TGS1: variants seen among roughly 807,000 people sequenced by gnomAD.
The protein encoded by TGS1 is trimethylguanosine synthase 1, also known as trimethylguanosine synthase.
TGS1 carries 69 observed loss-of-function variants against 92.2 expected under a neutral mutation model. The observed-to-expected ratio is 0.75, with a 90% CI of 0.62 to 0.91. TGS1 has a LOEUF of 0.91. TGS1 is among the 40% of genes least tolerant of loss of function. The pLI is 0.00. For missense variants in TGS1, 1,062 were observed against 1,001.2 expected (o/e 1.06, Z -0.82); for synonymous variants, 345 against 338.1 (o/e 1.02, Z -0.22).
chr8:55,808,087 G>A (rs1279394569), intron 10 of TGS1, among the ~76,000 whole-genome samples: 1 of 152,118 alleles, frequency 6.6e-6, no homozygotes, highest in Non-Finnish European at 1.5e-5. Context: ...TGATCTTATC[G>A]CCTTACCATT....
At chr8:55,793,809 G>A (rs1180926011) in intron 6 of TGS1, among the ~76,000 whole-genome samples, 1 of 150,938 alleles carries the variant, frequency 6.6e-6, no homozygotes, top group Non-Finnish European at 1.5e-5. Flanking sequence ...GTAGAGACAG[G>A]GTTGCACCAT....
intron 12 of TGS1, among the ~76,000 whole-genome samples, chr8:55,815,242 T>A (rs1563469984): frequency 6.6e-6 from 1 of 152,230 alleles, no homozygotes; most frequent in Admixed American, 6.5e-5. Context: ...AGTTGGTGAT[T>A]CATGTTTTTT....
rs376816638 is a variant in TGS1, at chr8:55,799,229, A to G, written c.1849+9A>G. 2 of 1,581,612 alleles carry G rather than the reference A, an allele frequency of 1.3e-6. No individual in the cohort carries two copies. Among genetic ancestry groups the G allele is most frequent in the African/African-American group, 1.4e-5 (1 of 73,030 alleles). On this transcript the variant is annotated intron_variant, in intron 8 of 12. Coordinates refer to ENST00000260129, the MANE Select transcript of TGS1 (RefSeq NM_024831.8). ...CCAGGCAGAAACTGAAGGTAACACT[A>G]AATATGCTTCAACTTGCTAATGGAT...
chr8:55,779,716 TCA>T (rs1231729920), intron 1 of TGS1, among the ~76,000 whole-genome samples: 1 of 152,174 alleles, frequency 6.6e-6, no homozygotes, highest in Non-Finnish European at 1.5e-5. Context: ...ATTTCTCAAC[TCA>T]CACCTCTAGA....
At chr8:55,819,234 C>A (rs1803565668) in intron 12 of TGS1, among the ~76,000 whole-genome samples, 2 of 151,376 alleles carry the variant, frequency 1.3e-5, no homozygotes, top group Admixed American at 1.3e-4. Context: ...CCGTGCCCGG[C>A]CTGGTAGCCT....
intron 6 of TGS1, among the ~76,000 whole-genome samples, chr8:55,794,287 C>T (rs963681723): frequency 2.6e-5 from 4 of 152,076 alleles, no homozygotes; most frequent in African/African-American, 7.2e-5. Context: ...AACTCTTGGC[C>T]TCAAGTGATC....
intron 2 of TGS1, among the ~76,000 whole-genome samples, chr8:55,783,421 A>G (rs576359886): frequency 6.6e-6 from 1 of 152,320 alleles, no homozygotes; most frequent in East Asian, 1.9e-4. Context: ...TCCATCTCCA[A>G]TTTAGAATAT....
intron 5 of TGS1, among the ~76,000 whole-genome samples, chr8:55,790,808 C>T (rs1323856714): frequency 6.6e-6 from 1 of 152,142 alleles, no homozygotes; most frequent in Non-Finnish European, 1.5e-5. Context: ...TGTGAGCCAC[C>T]ACACCCGGCC....
intron 11 of TGS1, among the ~76,000 whole-genome samples, chr8:55,811,823 A>C (rs1803348292): frequency 6.6e-6 from 1 of 152,166 alleles, no homozygotes; most frequent in Non-Finnish European, 1.5e-5. Context: ...CATTTGATAA[A>C]TTCTAGTTTA....
At chr8:55,809,189 T>G (rs1220371853) in intron 10 of TGS1, among the ~76,000 whole-genome samples, 1 of 152,214 alleles carries the variant, frequency 6.6e-6, no homozygotes, top group African/African-American at 2.4e-5. Context: ...TGTGCCAGAT[T>G]TATTTCCACT....
At chr8:55,784,623 A>G (rs1157848488) in intron 2 of TGS1, among the ~76,000 whole-genome samples, 3 of 152,166 alleles carry the variant, frequency 2.0e-5, no homozygotes, top group African/African-American at 4.8e-5. Flanking sequence ...CAGGATTTCA[A>G]ACTTCTAATA....
intron 7 of TGS1, among the ~76,000 whole-genome samples, chr8:55,798,198 G>T (rs1812114818): frequency 6.6e-6 from 1 of 152,130 alleles, no homozygotes; most frequent in Non-Finnish European, 1.5e-5. Flanking sequence ...GAAGATTCTG[G>T]GTTGTTGCCC....
chr8:55,809,689 C>T (rs529460858), intron 10 of TGS1, among the ~76,000 whole-genome samples: 11 of 152,326 alleles, frequency 7.2e-5, no homozygotes, highest in African/African-American at 2.6e-4. Context: ...CCCGCCTCAG[C>T]CTCCCAAAGT....
intron 12 of TGS1, among the ~76,000 whole-genome samples, chr8:55,814,471 A>C (rs765490810): frequency 1.3e-5 from 2 of 151,742 alleles, no homozygotes; most frequent in Non-Finnish European, 2.9e-5. Flanking sequence ...TCCGTTTATG[A>C]TCCATTGTGT....
In TGS1 at chr8:55,802,608, T is replaced by C. The variant is rs776311166; in HGVS notation, c.1999+2T>C. 4.4e-6 allele frequency: 7 copies of C among 1,605,342 alleles called. No homozygotes were observed. The South Asian group carries it at 7.9e-5, about 18-fold the overall frequency. The stretch of plus-strand genomic sequence containing the variant: ...ATGATGGGATTAAGTTGGACAGAGG[T>C]AAAGTATATATGTATTTTTTAGCTT... On this transcript the variant is annotated splice_donor_variant, in intron 9 of 12. Coordinates refer to ENST00000260129, the MANE Select transcript of TGS1 (RefSeq NM_024831.8). LOFTEE classifies it high-confidence loss of function.
chr8:55,781,859 G>A (rs1168820865), intron 1 of TGS1, among the ~76,000 whole-genome samples: 1 of 152,188 alleles, frequency 6.6e-6, no homozygotes, highest in African/African-American at 2.4e-5. Context: ...AGTTACAGTG[G>A]AGTTTATTAC....
At chr8:55,821,558 C>CTATT (rs1159703279) in intron 12 of TGS1, among the ~76,000 whole-genome samples, 1 of 152,010 alleles carries the variant, frequency 6.6e-6, no homozygotes, top group Non-Finnish European at 1.5e-5. Flanking sequence ...TTATGGAATT[C>CTATT]TATTTATGGC....
At position 55,824,724 on chromosome 8, in the gene TGS1, A is replaced by G. The variant is rs1803745301; in HGVS notation, c.*21A>G. On this transcript the variant is annotated 3_prime_UTR_variant, in exon 13 of 13. Coordinates refer to ENST00000260129, the MANE Select transcript of TGS1 (RefSeq NM_024831.8). ...CCTAACTATGCAGCAGTGCGAGGAC[A>G]AAAGATCATGGAGTGGTCAAAATAT... The G allele has an allele frequency of 6.2e-7, 1 of 1,613,506 alleles. No individual in the cohort carries two copies.
At chr8:55,774,761 A>G (rs756208634) in intron 1 of TGS1, among the ~76,000 whole-genome samples, 1 of 152,220 alleles carries the variant, frequency 6.6e-6, no homozygotes, top group Non-Finnish European at 1.5e-5. Context: ...TATAAGTGCT[A>G]TGAGAGAGAA....
Sources: gnomAD v4.1 joint callset for allele counts (sites outside exome capture counted in the v4.1 genomes callset) on GRCh38, gnomAD v4.1.1 for gene constraint, MANE v1.5 for transcripts, NCBI Gene and HGNC (gene_info 2026-07-23, HGNC 2026-07-21) for gene names.